ANO6: variants seen among roughly 807,000 people sequenced by gnomAD.
ANO6 encodes anoctamin 6, also known as anoctamin-6.
A neutral mutation model predicts 117.5 loss-of-function variants in ANO6; 106 were observed. That is an observed-to-expected ratio of 0.90 (90% CI 0.77 to 1.06). The LOEUF (loss-of-function observed/expected upper bound fraction) is 1.06. Ranked by LOEUF, ANO6 falls within the 50% of genes least tolerant of loss-of-function variation. The pLI is 0.00. For synonymous variants in ANO6, 367 were observed against 385.1 expected, an observed-to-expected ratio of 0.95 and a Z score of 0.55; for missense variants, 955 against 1,121.1, an observed-to-expected ratio of 0.85 and a Z score of 2.12.
chr12:45,237,128 CTTTGTCAGATGGGCAGATTGCAAAAA>C lies in ANO6; in HGVS notation c.70+20741_70+20766del, dbSNP rs1219870534. ...TCTTTGTAGATTCTGGATAGTAGCC[CTTTGTCAGATGGGCAGATTGCAAAAA>C]TTTTCTCCCATTCTGTAGGTTGCCT... On this transcript the variant is annotated intron_variant, in intron 1 of 19. Transcript: ENST00000320560. Among the ~76,000 whole-genome samples, 8 of 152,192 alleles carry C rather than the reference CTTTGTCAGATGGGCAGATTGCAAAAA, an allele frequency of 5.3e-5. No homozygotes were observed. In the South Asian group the frequency reaches 1.2e-3, roughly 24 times the overall value.
intron 2 of ANO6, among the ~76,000 whole-genome samples, chr12:45,318,901 C>T (rs551762497): frequency 1.2e-4 from 19 of 152,254 alleles, no homozygotes; most frequent in Non-Finnish European, 1.5e-5. Context: ...GGAGTTCACT[C>T]ATGATTTGGC....
rs1215745456 is a variant in ANO6 at position 45,274,474 on chromosome 12, A to C, written c.71-27540A>C. Among the ~76,000 whole-genome samples the C allele has an allele frequency of 2.0e-5, 3 of 151,946 alleles. No homozygotes were observed. The East Asian group carries it at 5.8e-4, about 29-fold the overall frequency. On this transcript the variant is annotated intron_variant, in intron 1 of 19. Coordinates refer to ENST00000320560, the MANE Select transcript of ANO6 (RefSeq NM_001025356.3). ...ACACCTCGTATTCTCAAATTCAAGCACCCAACATCCCCTGCGCCCACACCT... is the reference window on the plus strand; with the variant it reads ...ACACCTCGTATTCTCAAATTCAAGCCCCCAACATCCCCTGCGCCCACACCT...
chr12:45,302,026 T>C lies in ANO6; in HGVS notation c.83T>C (p.Leu28Pro), dbSNP rs775540565. Residue 28 changes from leucine (L) to proline (P), a missense_variant, in exon 2 of 20, where the codon CTT (leucine) becomes CCT (proline). Transcript: ENST00000320560. The stretch of plus-strand genomic sequence containing the variant: ...CATTCGTTTTTAGTGTTGGAAAACC[T>C]TGGACAGACAATTGTCCCCGATTTG... ...DDDGDIVLEN[L>P]GQTIVPDLGS... 1 of 1,613,976 alleles carries C rather than the reference T, an allele frequency of 6.2e-7. No individual in the cohort carries two copies. Among genetic ancestry groups the C allele is most frequent in the Non-Finnish European group, 8.5e-7 (1 of 1,179,886 alleles).
rs1384504399 is a variant in ANO6, at chr12:45,239,931, C to A, written c.70+23540C>A. Among the ~76,000 whole-genome samples the A allele has an allele frequency of 2.0e-5, 3 of 152,100 alleles. No homozygotes were observed. In the East Asian group the frequency reaches 5.8e-4, roughly 29 times the overall value. On this transcript the variant is annotated intron_variant, in intron 1 of 19. Transcript: ENST00000320560. ...GTTCTTCTACATTTGCTGAGGAGTG[C>A]TTTACTTCCAATTATGTGGTCAATT... is the stretch of plus-strand genomic sequence containing the variant.
chr12:45,376,885 AAAAG>A (rs1433292856), intron 9 of ANO6, among the ~76,000 whole-genome samples: 5 of 146,878 alleles, frequency 3.4e-5, no homozygotes, highest in African/African-American at 1.3e-4. Flanking sequence ...TTGAAAAAAA[AAAAG>A]AAGAAGAATG....
intron 9 of ANO6, among the ~76,000 whole-genome samples, chr12:45,368,434 TC>T (rs1565724178): frequency 6.6e-6 from 1 of 152,234 alleles, no homozygotes; most frequent in Non-Finnish European, 1.5e-5. Flanking sequence ...ATTTAGACTG[TC>T]TCTATAACTA....
intron 1 of ANO6, among the ~76,000 whole-genome samples, chr12:45,233,156 G>A (rs573656046): frequency 1.3e-5 from 2 of 152,180 alleles, no homozygotes; most frequent in African/African-American, 2.4e-5. Context: ...AACCAAGCAC[G>A]TAGGGCATGA....
intron 1 of ANO6, among the ~76,000 whole-genome samples, chr12:45,293,240 G>A (rs767904785): frequency 2.6e-5 from 4 of 152,018 alleles, no homozygotes; most frequent in Non-Finnish European, 4.4e-5. Context: ...CTCATTTATT[G>A]AGCATCTATA....
chr12:45,235,668 A>G (rs2137149950), intron 1 of ANO6, among the ~76,000 whole-genome samples: 1 of 152,294 alleles, frequency 6.6e-6, no homozygotes, highest in Admixed American at 6.5e-5. Context: ...AGTATGGAAA[A>G]TGGATATTTT....
At chr12:45,256,493 A>G (rs986856449) in intron 1 of ANO6, 1 of 151,930 alleles carries the variant, frequency 6.6e-6, no homozygotes, top group African/African-American at 2.4e-5. Flanking sequence ...GATCAGGACA[A>G]GCAAATTTGA....
intron 10 of ANO6, among the ~76,000 whole-genome samples, chr12:45,381,744 G>T (rs1942174017): frequency 6.6e-6 from 1 of 152,138 alleles, no homozygotes; most frequent in Admixed American, 6.5e-5. Context: ...GCTTCCTATA[G>T]TTCAGAATTT....
intron 16 of ANO6, among the ~76,000 whole-genome samples, chr12:45,413,935 T>C (rs1023337157): frequency 3.3e-5 from 5 of 152,204 alleles, no homozygotes; most frequent in Admixed American, 1.3e-4. Flanking sequence ...GGGAAACAAA[T>C]ATTCCACAGC....
chr12:45,334,410 A>G (rs1349179726), intron 3 of ANO6, among the ~76,000 whole-genome samples: 1 of 152,018 alleles, frequency 6.6e-6, no homozygotes, highest in East Asian at 1.9e-4. Flanking sequence ...GCCATCCTCA[A>G]TATTTTGGCT....
intron 3 of ANO6, among the ~76,000 whole-genome samples, chr12:45,336,036 T>C (rs1397022590): frequency 6.6e-6 from 1 of 152,042 alleles, no homozygotes; most frequent in East Asian, 1.9e-4. Flanking sequence ...CCAATACACA[T>C]AGTAGTCACT....
At chr12:45,425,557 C>T (rs946569313) in intron 19 of ANO6, among the ~76,000 whole-genome samples, 3 of 152,146 alleles carry the variant, frequency 2.0e-5, no homozygotes, top group South Asian at 2.1e-4. Flanking sequence ...ACAGTAACAA[C>T]GGAAGCCAGA....
Position 45,378,118 on chromosome 12 carries a change from GTTTT to G in ANO6, c.1165+18_1165+21del, listed in dbSNP as rs36059278. On this transcript the variant is annotated splice_donor_region_variant and intron_variant, in intron 10 of 19. Transcript: ENST00000320560. ...CAGTATTTATGGGAGTATGGGGTAA[GTTTT>G]TTTTTTTTTTTTCATGCACTCAATT... The G allele has an allele frequency of 1.9e-5, 28 of 1,501,868 alleles. No individual in the cohort carries two copies. Among genetic ancestry groups the G allele is most frequent in the Middle Eastern group, 3.7e-4 (2 of 5,474 alleles). The allele number at this position is 1,501,868 out of a possible 1,614,324, so 93.0% of individuals were successfully genotyped here. A position where few individuals can be genotyped will look rare whatever the true frequency, so the allele number is the denominator to read the frequency against.
chr12:45,422,638 C>T (rs1011743494), intron 18 of ANO6, among the ~76,000 whole-genome samples: 10 of 151,500 alleles, frequency 6.6e-5, no homozygotes, highest in African/African-American at 2.2e-4. Context: ...GCAGTGACAC[C>T]ATATCAGCTC....
chr12:45,382,716 G>A (rs1056144790), intron 10 of ANO6, among the ~76,000 whole-genome samples: 3 of 152,128 alleles, frequency 2.0e-5, no homozygotes, highest in Admixed American at 6.6e-5. Flanking sequence ...TAAAAGTTAT[G>A]GTTATACTAT....
chr12:45,252,942 A>G (rs983670606), intron 1 of ANO6, among the ~76,000 whole-genome samples: 2 of 152,194 alleles, frequency 1.3e-5, no homozygotes, highest in Non-Finnish European at 2.9e-5. Flanking sequence ...GGGAATTGTC[A>G]TGGTTCCTGA....
Sources: allele counts gnomAD v4.1 joint callset (sites outside exome capture counted in the v4.1 genomes callset), GRCh38; gene constraint gnomAD v4.1.1; transcripts MANE v1.5; gene names NCBI Gene and HGNC (gene_info 2026-07-23, HGNC 2026-07-21).